The following TXK variants were observed in gnomAD, a reference collection of about 807,000 sequenced individuals.
The protein encoded by TXK is tyrosine-protein kinase TXK.
TXK carries 60 observed loss-of-function variants against 81.0 expected under a neutral mutation model. The observed-to-expected ratio is 0.74, with a 90% CI of 0.60 to 0.92. The LOEUF is 0.92. Ranked by LOEUF, TXK falls within the 40% of genes least tolerant of loss-of-function variation. TXK has a pLI of 0.00. For missense variants in TXK, 581 were observed against 638.3 expected (o/e 0.91, Z 0.97); for synonymous variants, 203 against 210.7 (o/e 0.96, Z 0.32).
At chr4:48,070,677 C>A (rs945488415) in intron 14 of TXK, among the ~76,000 whole-genome samples, 8 of 151,834 alleles carry the variant, frequency 5.3e-5, no homozygotes, top group Non-Finnish European at 8.8e-5. Flanking sequence ...CTCCTGGGTT[C>A]GAGCAATTCT....
rs551807790 is a variant in TXK, at chr4:48,085,649, T to C, written c.956+817A>G. Among the ~76,000 whole-genome samples the C allele has an allele frequency of 5.3e-5, 8 of 151,308 alleles. No homozygotes were observed. In the South Asian group the frequency reaches 1.3e-3, roughly 24 times the overall value. On this transcript the variant is annotated intron_variant, in intron 10 of 14. Transcript: ENST00000264316. The stretch of plus-strand genomic sequence containing the variant: ...CTGCCACACCCCTGTACTGTGCCCA[T>C]ATAAACCCCAAGCTCCATTGGCAGG...
intron 12 of TXK, 91 bp from the exon 13 acceptor site, chr4:48,074,144 G>T: frequency 2.0e-6 from 2 of 980,272 alleles, no homozygotes; most frequent in Non-Finnish European, 3.1e-6. Context: ...GTTGCTAAAA[G>T]ACAAAGTATT....
chr4:48,104,246 ATATTTT>A (rs1718318820), intron 6 of TXK, among the ~76,000 whole-genome samples: 1 of 41,656 alleles, frequency 2.4e-5, no homozygotes. Context: ...TATATAATAT[ATATTTT>A]ATATATATAA....
chr4:48,128,313 GC>G (rs1719147595), intron 1 of TXK, among the ~76,000 whole-genome samples: 1 of 152,144 alleles, frequency 6.6e-6, no homozygotes, highest in Non-Finnish European at 1.5e-5. Flanking sequence ...CAGGCTTGTT[GC>G]CCAAGCCAGG....
chr4:48,094,925 C>T (rs528550055), intron 7 of TXK, among the ~76,000 whole-genome samples: 1 of 152,172 alleles, frequency 6.6e-6, no homozygotes, highest in Admixed American at 6.5e-5. Flanking sequence ...CTAATCTCCC[C>T]CTCTTTACTT....
chr4:48,112,869 G>C lies in TXK; in HGVS notation c.174+338C>G, dbSNP rs571501735. Reference sequence around the variant, plus strand: ...AAAAATGGCCTTTTTCTTTTTATGTGGTGGCAGTTTGTGCTTGGGTTTACC... The same window carrying C: ...AAAAATGGCCTTTTTCTTTTTATGTCGTGGCAGTTTGTGCTTGGGTTTACC... On this transcript the variant is annotated intron_variant, in intron 3 of 14. Transcript: ENST00000264316. 3.2e-4 allele frequency among the ~76,000 whole-genome samples: 48 copies of C among 151,186 alleles called. No individual in the cohort carries two copies. The South Asian group carries it at 8.8e-3, about 28-fold the overall frequency.
chr4:48,100,795 T>A (rs1013426055), intron 6 of TXK, among the ~76,000 whole-genome samples: 1 of 152,148 alleles, frequency 6.6e-6, no homozygotes, highest in Non-Finnish European at 1.5e-5. Flanking sequence ...ATTTTCATAA[T>A]GAAGAATTGG....
At chr4:48,118,204 T>C (rs185976878) in intron 1 of TXK, among the ~76,000 whole-genome samples, 19 of 152,352 alleles carry the variant, frequency 1.2e-4, no homozygotes, top group Admixed American at 7.8e-4. Flanking sequence ...GGGAGGACTT[T>C]ATTTCAACAC....
At chr4:48,072,660 T>G (rs755621226) in intron 13 of TXK, among the ~76,000 whole-genome samples, 6 of 152,282 alleles carry the variant, frequency 3.9e-5, no homozygotes, top group Admixed American at 2.0e-4. Context: ...GGCCTGGAGA[T>G]TTTATAAGTG....
chr4:48,071,469 T>G, intron 14 of TXK, 48 bp downstream of exon 14: 1 of 1,569,210 alleles, frequency 6.4e-7, no homozygotes, highest in Non-Finnish European at 8.7e-7. Flanking sequence ...AGGTCTGCTC[T>G]CAGATGCTGG....
At chr4:48,086,421 A>C (rs767305772) in intron 10 of TXK, 45 bp downstream of exon 10, 2 of 1,598,078 alleles carry the variant, frequency 1.3e-6, no homozygotes, top group African/African-American at 2.7e-5. Flanking sequence ...TTTCCATGAC[A>C]CCAGGGCATG....
rs1424784822 is a variant in TXK, at chr4:48,113,209, G to C, written c.172C>G (p.Gln58Glu). ...TTGCCTGTCAAAATGATACTTACTTGCTTCTTATTTGACAATTGGCTGAGC... is the reference window on the plus strand; with the variant it reads ...TTGCCTGTCAAAATGATACTTACTTCCTTCTTATTTGACAATTGGCTGAGC... ...PWLSQLSNKKQSNTGRVQPSK... is the reference protein window; with the variant it reads ...PWLSQLSNKKESNTGRVQPSK... Residue 58 changes from glutamine to glutamate, a missense_variant and splice_region_variant, in exon 3 of 15, where the codon CAA becomes GAA. Gln to Glu is a conservative substitution (Grantham distance 29). Coordinates refer to ENST00000264316, the MANE Select transcript of TXK (RefSeq NM_003328.3). 1 of 1,610,172 alleles carries C rather than the reference G, an allele frequency of 6.2e-7. No homozygotes were observed. Among genetic ancestry groups the C allele is most frequent in the Admixed American group, 1.7e-5 (1 of 59,882 alleles).
intron 6 of TXK, among the ~76,000 whole-genome samples, chr4:48,101,772 G>C (rs965063865): frequency 6.7e-6 from 1 of 150,012 alleles, no homozygotes; most frequent in African/African-American, 2.4e-5. Context: ...ACTACTTCAA[G>C]AGGAAGAAAA....
At chr4:48,093,539 A>G (rs1476934935) in intron 8 of TXK, among the ~76,000 whole-genome samples, 1 of 152,238 alleles carries the variant, frequency 6.6e-6, no homozygotes, top group African/African-American at 2.4e-5. Flanking sequence ...AAGAGCAATT[A>G]TTGCAAACAA....
rs1491207403 is a variant in TXK, at chr4:48,104,272, TAA to T, written c.501+627_501+628del. Among the ~76,000 whole-genome samples the T allele has an allele frequency of 1.2e-3, 5 of 4,216 alleles. 2 individuals are homozygous for T. The highest frequency in any genetic ancestry group is 6.3e-3 in the African/African-American group (5 of 790). 2.8% of individuals were successfully genotyped at this position (4,216 alleles called of 152,430 possible). A position where few individuals can be genotyped will look rare whatever the true frequency, so the allele number is the denominator to read the frequency against. ...TATTTTATATATATAATATATAATA[TAA>T]TATATAATATATATAATATATAATA... On this transcript the variant is annotated intron_variant, in intron 6 of 14. Transcript: ENST00000264316.
chr4:48,098,815 C>T (rs1718079367), intron 6 of TXK, among the ~76,000 whole-genome samples: 1 of 152,122 alleles, frequency 6.6e-6, no homozygotes, highest in South Asian at 2.1e-4. Flanking sequence ...TGCCTGTAAT[C>T]CCAGCTTCTT....
chr4:48,075,047 G>A (rs1369049446), intron 12 of TXK, among the ~76,000 whole-genome samples: 1 of 151,962 alleles, frequency 6.6e-6, no homozygotes, highest in East Asian at 1.9e-4. Context: ...AAGATCCCCT[G>A]AGCTTTGGGG....
intron 2 of TXK, 86 bp downstream of exon 2, chr4:48,114,262 G>T: frequency 7.4e-7 from 1 of 1,355,900 alleles, no homozygotes; most frequent in Non-Finnish European, 1.1e-6. Context: ...GAGAACAGCG[G>T]GTGCAAAGAG....
At chr4:48,103,514 T>C (rs1718282966) in intron 6 of TXK, among the ~76,000 whole-genome samples, 1 of 152,230 alleles carries the variant, frequency 6.6e-6, no homozygotes, top group African/African-American at 2.4e-5. Context: ...CATTGTACCC[T>C]GAGCCATTAC....
Sources: allele counts gnomAD v4.1 joint callset (sites outside exome capture counted in the v4.1 genomes callset), GRCh38; gene constraint gnomAD v4.1.1; transcripts MANE v1.5; gene names NCBI Gene and HGNC (gene_info 2026-07-23, HGNC 2026-07-21).